Variants in LRRTM4 observed in about 807,000 individuals in gnomAD.
The protein encoded by LRRTM4 is leucine-rich repeat transmembrane neuronal protein 4.
LRRTM4 carries 25 observed loss-of-function variants against 47.6 expected under a neutral mutation model. The ratio of observed to expected loss-of-function variants is 0.53; its 90% CI spans 0.38 to 0.73. The LOEUF (loss-of-function observed/expected upper bound fraction) is 0.73. LRRTM4 is among the 30% of genes least tolerant of loss of function. The pLI is 0.00. For missense variants in LRRTM4, 638 were observed against 713.4 expected (o/e 0.89, Z 1.20); for synonymous variants, 311 against 269.5 (o/e 1.15, Z -1.51).
At chr2:76,889,625 A>T (rs756759328) in intron 3 of LRRTM4, among the ~76,000 whole-genome samples, 28 of 152,002 alleles carry the variant, frequency 1.8e-4, no homozygotes, top group Non-Finnish European at 3.2e-4. Context: ...AAGCAAAGGG[A>T]AAATCAAGTT....
chr2:77,289,701 G>A (rs1212562313), intron 3 of LRRTM4, among the ~76,000 whole-genome samples: 1 of 151,970 alleles, frequency 6.6e-6, no homozygotes, highest in Non-Finnish European at 1.5e-5. Flanking sequence ...CAGATTGATT[G>A]AATTTTGCAT....
At chr2:77,044,627 C>CTA (rs143971155) in intron 3 of LRRTM4, among the ~76,000 whole-genome samples, 4,126 of 150,186 alleles carry the variant, frequency 0.027, 134 homozygotes, top group African/African-American at 0.08. Context: ...TTTTTTTTGG[C>CTA]TATATATATA....
At chr2:77,130,490 A>T (rs1671765038) in intron 3 of LRRTM4, among the ~76,000 whole-genome samples, 1 of 151,908 alleles carries the variant, frequency 6.6e-6, no homozygotes, top group Non-Finnish European at 1.5e-5. Context: ...TTTGTCAGAC[A>T]TATACTATAA....
At chr2:76,777,141 A>G (rs1193977942) in intron 3 of LRRTM4, among the ~76,000 whole-genome samples, 2 of 150,296 alleles carry the variant, frequency 1.3e-5, no homozygotes, top group East Asian at 4.0e-4. Context: ...TACCAGTACC[A>G]TGCTGTTTTG....
chr2:77,083,810 T>TG (rs1558569842), intron 3 of LRRTM4, among the ~76,000 whole-genome samples: 11 of 119,248 alleles, frequency 9.2e-5, no homozygotes, highest in African/African-American at 3.2e-4. Context: ...TTTTTTTTTT[T>TG]TTTTTTTTTT....
At chr2:77,138,908 C>T (rs911761357) in intron 3 of LRRTM4, among the ~76,000 whole-genome samples, 1 of 152,020 alleles carries the variant, frequency 6.6e-6, no homozygotes, top group Non-Finnish European at 1.5e-5. Flanking sequence ...ATATATACTC[C>T]CAAGACTAAA....
chr2:76,765,268 A>T (rs751710743), intron 3 of LRRTM4, among the ~76,000 whole-genome samples: 1 of 152,190 alleles, frequency 6.6e-6, no homozygotes. Flanking sequence ...GAAATTTTGC[A>T]TCAGGATGAA....
Position 77,519,098 on chromosome 2 carries a change from G to GT in LRRTM4, c.770dup (p.Asn257LysfsTer8). The GT allele has an allele frequency of 6.2e-7, 1 of 1,613,012 alleles. No individual in the cohort carries two copies. Among genetic ancestry groups the GT allele is most frequent in the Non-Finnish European group, 8.5e-7 (1 of 1,179,480 alleles). ...GGATGTCATTCCCTGATAAATCCAA[G>GT]TTGTGTAAGGAACTCCAAGTCCATG... On this transcript the variant is annotated frameshift_variant, in exon 3 of 4. Coordinates refer to ENST00000409884, the MANE Select transcript of LRRTM4 (RefSeq NM_001134745.3). LOFTEE classifies it high-confidence loss of function. This position sits in a 1 kb window ranked among gnomAD's most constrained non-coding sequence, Gnocchi z 4.6.
chr2:77,285,368 A>ATATAT (rs1553422180), intron 3 of LRRTM4, among the ~76,000 whole-genome samples: 3 of 145,312 alleles, frequency 2.1e-5, no homozygotes, highest in East Asian at 2.0e-4. Context: ...ATATATGGCC[A>ATATAT]ATAGAAATGC....
At chr2:77,010,264 GTTGT>G (rs1463009626) in intron 3 of LRRTM4, among the ~76,000 whole-genome samples, 4 of 151,850 alleles carry the variant, frequency 2.6e-5, no homozygotes, top group Admixed American at 6.6e-5. Flanking sequence ...GAATATTTGT[GTTGT>G]TTGATTAATA....
intron 3 of LRRTM4, among the ~76,000 whole-genome samples, chr2:76,775,400 A>G (rs892355529): frequency 6.6e-6 from 1 of 152,168 alleles, no homozygotes; most frequent in Non-Finnish European, 1.5e-5. Context: ...CAAGTAGACC[A>G]TGTAGATGCC....
intron 3 of LRRTM4, among the ~76,000 whole-genome samples, chr2:76,900,971 T>A (rs1298382923): frequency 2.6e-5 from 4 of 152,206 alleles, no homozygotes; most frequent in Non-Finnish European, 5.9e-5. Flanking sequence ...TCTCTCTTTT[T>A]TTGGAGTAAG....
intron 3 of LRRTM4, among the ~76,000 whole-genome samples, chr2:76,844,523 A>AT (rs1324459551): frequency 6.6e-6 from 1 of 152,114 alleles, no homozygotes; most frequent in East Asian, 1.9e-4. Context: ...TTCAATTTCC[A>AT]TATCTGTATC....
At chr2:77,464,075 T>C (rs1424089930) in intron 3 of LRRTM4, among the ~76,000 whole-genome samples, 1 of 152,084 alleles carries the variant, frequency 6.6e-6, no homozygotes, top group Non-Finnish European at 1.5e-5. Flanking sequence ...GATGGACTAG[T>C]AAGACCATCA....
intron 3 of LRRTM4, among the ~76,000 whole-genome samples, chr2:76,760,391 A>T (rs1673208962): frequency 6.6e-6 from 1 of 152,118 alleles, no homozygotes; most frequent in Non-Finnish European, 1.5e-5. Context: ...CATATTGGAG[A>T]TGTGTGAAAA....
chr2:77,023,665 G>A (rs1400638750), intron 3 of LRRTM4, among the ~76,000 whole-genome samples: 1 of 152,124 alleles, frequency 6.6e-6, no homozygotes, highest in Non-Finnish European at 1.5e-5. Context: ...AACATAACAA[G>A]AGTCACCTTT....
At chr2:77,341,433 C>T (rs1671369081) in intron 3 of LRRTM4, among the ~76,000 whole-genome samples, 1 of 151,962 alleles carries the variant, frequency 6.6e-6, no homozygotes, top group Non-Finnish European at 1.5e-5. Flanking sequence ...AAACGTTATT[C>T]CTTCATGTAA....
chr2:76,844,980 C>T (rs114837482), intron 3 of LRRTM4, among the ~76,000 whole-genome samples: 9,767 of 152,000 alleles, frequency 0.064, 393 homozygotes, highest in Non-Finnish European at 0.099. Context: ...GGCAGGATTG[C>T]AAATATGAAT....
chr2:77,183,546 A>G (rs1673410935), intron 3 of LRRTM4, among the ~76,000 whole-genome samples: 1 of 152,204 alleles, frequency 6.6e-6, no homozygotes, highest in Admixed American at 6.5e-5. Flanking sequence ...ATCTAGAAAT[A>G]GAATTACCAT....
Sources: gnomAD v4.1 joint callset for allele counts (sites outside exome capture counted in the v4.1 genomes callset) on GRCh38, gnomAD v4.1.1 for gene constraint, Gnocchi (gnomAD v3.1) non-coding constraint, MANE v1.5 for transcripts, NCBI Gene and HGNC (gene_info 2026-07-23, HGNC 2026-07-21) for gene names.